Variants in CCL28 observed in about 807,000 individuals in gnomAD.
CCL28 encodes C-C motif chemokine 28.
CCL28 carries 4 observed loss-of-function variants against 7.1 expected under a neutral mutation model. That is an observed-to-expected ratio of 0.56 (90% confidence interval 0.28 to 1.29). CCL28 has a LOEUF of 1.29. CCL28 is among the 50% of genes most tolerant of loss of function. The pLI is 0.11. For missense variants in CCL28, 151 were observed against 163.4 expected, an observed-to-expected ratio of 0.92 and a Z score of 0.41; for synonymous variants, 55 against 57.8, an observed-to-expected ratio of 0.95 and a Z score of 0.22.
At chr5:43,397,349 C>G (rs762777994) in intron 1 of CCL28, 4 of 151,176 alleles carry the variant, frequency 2.6e-5, no homozygotes, top group Non-Finnish European at 5.9e-5. Context: ...TTTAATTGAT[C>G]GGCCAGCTTT....
chr5:43,375,458 TAAAA>T (rs56289620), downstream of CCL28, among the ~76,000 whole-genome samples: 350 of 32,720 alleles, frequency 0.011, 1 homozygote, highest in African/African-American at 0.037. Flanking sequence ...GACAGAAAGC[TAAAA>T]AAAAAAAAAA....
At chr5:43,371,354 C>G in the CCL28 span, among the ~76,000 whole-genome samples, 1 of 152,158 alleles carries the variant, frequency 6.6e-6, no homozygotes, top group Non-Finnish European at 1.5e-5. Context: ...CCCAGTGATC[C>G]TCGACTTCTG....
At chr5:43,382,739 T>C (rs1740172219) in intron 2 of CCL28, among the ~76,000 whole-genome samples, 1 of 152,224 alleles carries the variant, frequency 6.6e-6, no homozygotes, top group Non-Finnish European at 1.5e-5. Context: ...TAAGATATTC[T>C]AGGCATTTGT....
Position 43,380,701 on chromosome 5 carries a change from C to G in CCL28, c.*1159G>C, listed in dbSNP as rs1740075453. On this transcript the variant is annotated 3_prime_UTR_variant, in exon 3 of 3. Transcript: ENST00000361115. ...ACCTTGATCCCAGATACTCGGGAGG[C>G]TGAGGTGGGAGGATTGCTTGAGCCC... The G allele has an allele frequency of 6.6e-6, 1 of 151,896 alleles. No homozygotes were observed. The highest frequency in any genetic ancestry group is 2.4e-5 in the African/African-American group (1 of 41,298). The allele number at this position is 151,896 out of a possible 1,614,324, so 9.4% of individuals were successfully genotyped here. A position where few individuals can be genotyped will look rare whatever the true frequency, so the allele number is the denominator to read the frequency against.
At chr5:43,396,799 C>G (rs1740825926) in intron 1 of CCL28, among the ~76,000 whole-genome samples, 1 of 152,168 alleles carries the variant, frequency 6.6e-6, no homozygotes, top group South Asian at 2.1e-4. Context: ...AAAAGCACGA[C>G]GTTATGGCGC....
intron 1 of CCL28, among the ~76,000 whole-genome samples, chr5:43,407,606 C>G (rs1264913026): frequency 1.3e-5 from 2 of 152,194 alleles, no homozygotes; most frequent in Non-Finnish European, 2.9e-5. Flanking sequence ...GACTAAAACA[C>G]CAAAAGCAAT....
chr5:43,363,390 A>G, the CCL28 span, among the ~76,000 whole-genome samples: 1 of 150,290 alleles, frequency 6.7e-6, no homozygotes, highest in African/African-American at 2.5e-5. Context: ...ACCACAGTTC[A>G]GTAGATGATG....
At chr5:43,410,312 G>A (rs561029021) in intron 1 of CCL28, among the ~76,000 whole-genome samples, 12 of 152,152 alleles carry the variant, frequency 7.9e-5, no homozygotes, top group South Asian at 2.1e-4. Context: ...TAGCTGTGGC[G>A]TTGCCCCTCT....
At chr5:43,368,480 T>C in the CCL28 span, among the ~76,000 whole-genome samples, 5 of 152,222 alleles carry the variant, frequency 3.3e-5, no homozygotes, top group African/African-American at 1.2e-4. Context: ...GGGGAGGTGC[T>C]ATATGCAACC....
Position 43,412,387 on chromosome 5 carries a change from G to A in CCL28, c.-71C>T. 3.5e-6 allele frequency: 5 copies of A among 1,413,382 alleles called. No homozygotes were observed. In the South Asian group the frequency reaches 6.1e-5, roughly 17 times the overall value. 87.6% of individuals were successfully genotyped at this position (1,413,382 alleles called of 1,614,324 possible). A position where few individuals can be genotyped will look rare whatever the true frequency, so the allele number is the denominator to read the frequency against. On this transcript the variant is annotated 5_prime_UTR_variant, in exon 1 of 3. Coordinates refer to ENST00000361115, the MANE Select transcript of CCL28 (RefSeq NM_148672.3). ...TCGATCAGGAAATGAGGCTAAAGGT[G>A]TCCTTGGGCACAGAGAAAGTGCAGA...
At chr5:43,398,259 A>C (rs1260913856) in intron 1 of CCL28, among the ~76,000 whole-genome samples, 1 of 152,070 alleles carries the variant, frequency 6.6e-6, no homozygotes, top group Non-Finnish European at 1.5e-5. Flanking sequence ...TCTGTCACCC[A>C]AGCTGGAGTG....
chr5:43,366,127 G>T, the CCL28 span, among the ~76,000 whole-genome samples: 262 of 152,248 alleles, frequency 1.7e-3, no homozygotes, highest in African/African-American at 6.1e-3. Flanking sequence ...TTAGCTCAGA[G>T]GAGTTTGTTA....
At chr5:43,376,367 C>A (rs1390523268), downstream of CCL28, among the ~76,000 whole-genome samples, 1 of 152,124 alleles carries the variant, frequency 6.6e-6, no homozygotes, top group Non-Finnish European at 1.5e-5. Flanking sequence ...TGGGTAGAGG[C>A]CAGAGATACT....
downstream of CCL28, among the ~76,000 whole-genome samples, chr5:43,373,595 C>T (rs948531711): frequency 3.9e-5 from 6 of 152,168 alleles, no homozygotes; most frequent in Admixed American, 6.5e-5. Context: ...CCACCACACC[C>T]GGACTAACAC....
chr5:43,373,529 A>C (rs1385877130), downstream of CCL28, among the ~76,000 whole-genome samples: 1 of 152,008 alleles, frequency 6.6e-6, no homozygotes, highest in African/African-American at 2.4e-5. Flanking sequence ...TGAACTCCCA[A>C]CCTCAGATGA....
At chr5:43,403,981 C>T (rs1024278410) in intron 1 of CCL28, among the ~76,000 whole-genome samples, 1 of 152,138 alleles carries the variant, frequency 6.6e-6, no homozygotes, top group Non-Finnish European at 1.5e-5. Flanking sequence ...AAGAAATGAA[C>T]AAAGCCTCCA....
intron 1 of CCL28, among the ~76,000 whole-genome samples, chr5:43,405,304 A>G (rs1741227035): frequency 6.6e-6 from 1 of 152,242 alleles, no homozygotes; most frequent in Non-Finnish European, 1.5e-5. Context: ...TGTCTCTCAG[A>G]CCACATGCAA....
At chr5:43,366,920 A>C in the CCL28 span, among the ~76,000 whole-genome samples, 1 of 152,024 alleles carries the variant, frequency 6.6e-6, no homozygotes, top group East Asian at 1.9e-4. Context: ...CCCAGTTCGA[A>C]CTTCCCAGTG....
At chr5:43,359,211 A>G in the CCL28 span, among the ~76,000 whole-genome samples, 894 of 152,358 alleles carry the variant, frequency 5.9e-3, 9 homozygotes, top group African/African-American at 0.019. Flanking sequence ...GAAATATAGT[A>G]CAGAGTCAGA....
Sources: allele counts gnomAD v4.1 joint callset (sites outside exome capture counted in the v4.1 genomes callset), GRCh38; gene constraint gnomAD v4.1.1; transcripts MANE v1.5; gene names NCBI Gene and HGNC (gene_info 2026-07-23, HGNC 2026-07-21).